SPAG16: variants seen among roughly 807,000 people sequenced by gnomAD.
SPAG16 encodes the protein sperm associated antigen 16, also known as sperm-associated antigen 16 protein.
SPAG16 carries 86 observed loss-of-function variants against 80.4 expected under a neutral mutation model. The observed-to-expected ratio is 1.07, with a 90% CI of 0.90 to 1.28. The LOEUF (loss-of-function observed/expected upper bound fraction) is 1.28. Ranked by LOEUF, SPAG16 falls within the 50% of genes most tolerant of loss-of-function variation. The pLI, the probability that SPAG16 is intolerant of heterozygous loss-of-function variation, is 0.00. For synonymous variants in SPAG16, 294 were observed against 265.9 expected (o/e 1.11, Z -1.03); for missense variants, 870 against 765.3 (o/e 1.14, Z -1.61).
At chr2:214,286,529 T>C (rs904730768) in intron 15 of SPAG16, among the ~76,000 whole-genome samples, 1 of 152,164 alleles carries the variant, frequency 6.6e-6, no homozygotes, top group Non-Finnish European at 1.5e-5. Flanking sequence ...GGCATATCAC[T>C]TGAAGCCAGG....
intron 15 of SPAG16, among the ~76,000 whole-genome samples, chr2:214,310,068 G>T (rs565201035): frequency 2.0e-5 from 3 of 151,870 alleles, no homozygotes; most frequent in Non-Finnish European, 4.4e-5. Flanking sequence ...CATAGAAGTA[G>T]TGTGATCTTT....
chr2:213,766,448 T>A (rs2068943271), intron 10 of SPAG16, among the ~76,000 whole-genome samples: 1 of 152,228 alleles, frequency 6.6e-6, no homozygotes, highest in South Asian at 2.1e-4. Flanking sequence ...CAGTGATCTC[T>A]GTCAGCAGCT....
chr2:214,307,831 G>A (rs1695026265), intron 15 of SPAG16, among the ~76,000 whole-genome samples: 1 of 151,978 alleles, frequency 6.6e-6, no homozygotes, highest in Non-Finnish European at 1.5e-5. Flanking sequence ...TTTACAGTAT[G>A]TGCCATGTTG....
Position 213,310,177 on chromosome 2 carries a change from G to A in SPAG16, c.398G>A (p.Trp133Ter). Reference protein sequence around the residue: ...TRTLDCFQSEWYELIQKGVTE... With the variant: ...TRTLDCFQSE Reference sequence around the variant, plus strand: ...ACTCTTGATTGCTTTCAGTCTGAATGGTAAACAATTATGTAGATAAATAGT... The same window carrying A: ...ACTCTTGATTGCTTTCAGTCTGAATAGTAAACAATTATGTAGATAAATAGT... Residue 133 changes from tryptophan (W) to a stop codon, truncating the protein, a stop_gained and splice_region_variant, in exon 4 of 16, where the codon TGG becomes TAG. Coordinates refer to ENST00000331683, the MANE Select transcript of SPAG16 (RefSeq NM_024532.5). LOFTEE classifies it high-confidence loss of function. 2 of 1,570,544 alleles carry A rather than the reference G, an allele frequency of 1.3e-6. No homozygotes were observed. Among genetic ancestry groups the A allele is most frequent in the Non-Finnish European group, 1.7e-6 (2 of 1,145,002 alleles).
chr2:213,976,160 G>T (rs568959559), intron 12 of SPAG16, among the ~76,000 whole-genome samples: 14 of 130,034 alleles, frequency 1.1e-4, no homozygotes, highest in Admixed American at 1.5e-4. Context: ...ACACACGTAT[G>T]TATATACATA....
chr2:213,772,625 A>T (rs2069319528), intron 10 of SPAG16, among the ~76,000 whole-genome samples: 1 of 152,172 alleles, frequency 6.6e-6, no homozygotes, highest in South Asian at 2.1e-4. Flanking sequence ...TTACCAATAT[A>T]ACATCTTTCT....
intron 9 of SPAG16, among the ~76,000 whole-genome samples, chr2:213,407,841 A>AGGAGAGAGG (rs1491484771): frequency 2.1e-5 from 2 of 93,876 alleles, no homozygotes. Context: ...AGAGAGAGAG[A>AGGAGAGAGG]CAGGAGAGAG....
At chr2:213,964,894 T>C (rs1350143442) in intron 12 of SPAG16, among the ~76,000 whole-genome samples, 2 of 151,832 alleles carry the variant, frequency 1.3e-5, no homozygotes, top group Admixed American at 6.6e-5. Flanking sequence ...ATCATACCTT[T>C]GTTTAATTAT....
chr2:214,341,245 A>C (rs557610401), intron 15 of SPAG16, among the ~76,000 whole-genome samples: 2 of 152,298 alleles, frequency 1.3e-5, no homozygotes, highest in Admixed American at 1.3e-4. Flanking sequence ...AAAACAAGGG[A>C]TGGAAAATAC....
At chr2:213,739,147 A>G (rs761164466) in intron 10 of SPAG16, among the ~76,000 whole-genome samples, 4 of 152,188 alleles carry the variant, frequency 2.6e-5, no homozygotes, top group Non-Finnish European at 5.9e-5. Flanking sequence ...CCTAGTAGCA[A>G]TTTATAACAA....
intron 13 of SPAG16, among the ~76,000 whole-genome samples, chr2:214,022,320 C>T (rs1042951972): frequency 2.0e-4 from 31 of 152,058 alleles, no homozygotes; most frequent in African/African-American, 5.3e-4. Context: ...CCATATAGCA[C>T]GATAGGAACA....
intron 15 of SPAG16, among the ~76,000 whole-genome samples, chr2:214,390,248 C>T (rs1312385796): frequency 6.6e-6 from 1 of 150,766 alleles, no homozygotes; most frequent in South Asian, 2.1e-4. Context: ...ATGTTTTACT[C>T]TAACTCTGTA....
intron 10 of SPAG16, among the ~76,000 whole-genome samples, chr2:213,815,224 C>A (rs2072448779): frequency 6.6e-6 from 1 of 152,006 alleles, no homozygotes; most frequent in Non-Finnish European, 1.5e-5. Context: ...AAGAAGACAG[C>A]AACAAATGGC....
At chr2:213,514,040 A>G (rs975986931) in intron 10 of SPAG16, among the ~76,000 whole-genome samples, 1 of 152,212 alleles carries the variant, frequency 6.6e-6, no homozygotes, top group African/African-American at 2.4e-5. Flanking sequence ...CAGTTAATCT[A>G]TCGTGAGTAT....
chr2:213,427,808 G>T (rs1019074593), intron 9 of SPAG16, among the ~76,000 whole-genome samples: 3 of 152,138 alleles, frequency 2.0e-5, no homozygotes, highest in Non-Finnish European at 4.4e-5. Context: ...CATCTTATCT[G>T]CTTTATAATG....
intron 10 of SPAG16, among the ~76,000 whole-genome samples, chr2:213,816,775 A>T (rs976038519): frequency 2.0e-5 from 3 of 152,130 alleles, no homozygotes; most frequent in Non-Finnish European, 4.4e-5. Flanking sequence ...ATGTTCATGG[A>T]TTAAAAATAT....
chr2:213,483,350 T>C (rs187861477), intron 9 of SPAG16, among the ~76,000 whole-genome samples: 7 of 152,326 alleles, frequency 4.6e-5, no homozygotes, highest in African/African-American at 1.7e-4. Context: ...TTGGTCATTA[T>C]TTAACATAAT....
chr2:214,179,864 A>T (rs576862835), intron 15 of SPAG16, among the ~76,000 whole-genome samples: 8 of 151,632 alleles, frequency 5.3e-5, no homozygotes, highest in African/African-American at 1.7e-4. Flanking sequence ...AAATGGTTTT[A>T]TGTGCTTAGA....
intron 15 of SPAG16, among the ~76,000 whole-genome samples, chr2:214,165,451 A>G (rs2056607514): frequency 8.4e-6 from 1 of 119,570 alleles, no homozygotes; most frequent in Non-Finnish European, 1.6e-5. Context: ...CCTTTTAAAA[A>G]TGCTTTGCAT....
Sources: gnomAD v4.1 joint callset for allele counts (sites outside exome capture counted in the v4.1 genomes callset) on GRCh38, gnomAD v4.1.1 for gene constraint, MANE v1.5 for transcripts, NCBI Gene and HGNC (gene_info 2026-07-23, HGNC 2026-07-21) for gene names.